Variants in IP6K1 observed in about 807,000 individuals in gnomAD.
The protein encoded by IP6K1 is ATP:1D-myo-inositol-hexakisphosphate phosphotransferase.
IP6K1 carries 13 observed loss-of-function variants against 38.3 expected under a neutral mutation model. The ratio of observed to expected loss-of-function variants is 0.34; its 90% CI spans 0.22 to 0.54. IP6K1 has a LOEUF of 0.54. Among genes scored for constraint, IP6K1 ranks in the 20% least tolerant of loss-of-function variants. IP6K1 has a pLI of 0.92. For missense variants in IP6K1, 397 were observed against 599.8 expected, an observed-to-expected ratio of 0.66 and a Z score of 3.53; for synonymous variants, 212 against 229.9, an observed-to-expected ratio of 0.92 and a Z score of 0.70.
Position 49,744,359 on chromosome 3 carries a change from G to A in IP6K1, c.223+3459C>T, listed in dbSNP as rs1358059843. Reference sequence around the variant, plus strand: ...AGAGCTTGCAGTGAGGCGAGACTGCGCCACTGCACTCCAACCTGGACAACA... The same window carrying A: ...AGAGCTTGCAGTGAGGCGAGACTGCACCACTGCACTCCAACCTGGACAACA... On this transcript the variant is annotated intron_variant, in intron 2 of 5. Transcript: ENST00000321599. Among the ~76,000 whole-genome samples, 11 of 126,986 alleles carry A rather than the reference G, an allele frequency of 8.7e-5. No individual in the cohort carries two copies. In the South Asian group the frequency reaches 9.9e-4, roughly 11 times the overall value. 83.3% of individuals were successfully genotyped at this position (126,986 alleles called of 152,430 possible).
chr3:49,767,842 T>A lies in IP6K1; in HGVS notation c.-129+18512A>T, dbSNP rs555787364. Among the ~76,000 whole-genome samples the A allele has an allele frequency of 5.3e-5, 8 of 152,168 alleles. No homozygotes were observed. In the East Asian group the frequency reaches 9.6e-4, roughly 18 times the overall value. On this transcript the variant is annotated intron_variant, in intron 1 of 5. Coordinates refer to ENST00000321599, the MANE Select transcript of IP6K1 (RefSeq NM_153273.4). Reference sequence around the variant, plus strand: ...ATACATCTGATAAAGGATTAATACATGGAACATATAAAGTACTTGTATAAC... The same window carrying A: ...ATACATCTGATAAAGGATTAATACAAGGAACATATAAAGTACTTGTATAAC...
chr3:49,747,212 A>G (rs1405196396), intron 2 of IP6K1, among the ~76,000 whole-genome samples: 4 of 152,208 alleles, frequency 2.6e-5, no homozygotes, highest in Non-Finnish European at 4.4e-5. Context: ...ACTTAGACAC[A>G]ATGAGCAATC....
chr3:49,732,307 A>G (rs930961157), intron 4 of IP6K1, among the ~76,000 whole-genome samples: 3 of 152,144 alleles, frequency 2.0e-5, no homozygotes, highest in Non-Finnish European at 4.4e-5. Context: ...TATCACCTTT[A>G]AACTATTAAT....
In IP6K1 at chr3:49,748,109, T is replaced by C. The variant is rs2080739066; in HGVS notation, c.-69A>G. On this transcript the variant is annotated 5_prime_UTR_variant, in exon 2 of 6. The change abolishes an upstream ATG in the 5' untranslated region. Transcript: ENST00000321599. ...CATGGGCCACAAAAGGAGAGCTACATAGAAGGTCCTGGCCAGGTGAAAGCC... is the reference window on the plus strand; with the variant it reads ...CATGGGCCACAAAAGGAGAGCTACACAGAAGGTCCTGGCCAGGTGAAAGCC... The C allele has an allele frequency of 1.9e-6, 3 of 1,542,196 alleles. No homozygotes were observed. Among genetic ancestry groups the C allele is most frequent in the South Asian group, 1.1e-5 (1 of 88,850 alleles).
chr3:49,778,588 G>T (rs559836898), intron 1 of IP6K1, among the ~76,000 whole-genome samples: 14 of 152,100 alleles, frequency 9.2e-5, no homozygotes, highest in Admixed American at 2.6e-4. Context: ...AGCCGAGATC[G>T]TGCCTCTGCA....
intron 1 of IP6K1, among the ~76,000 whole-genome samples, chr3:49,749,305 TTCTG>T: frequency 6.6e-6 from 1 of 151,756 alleles, no homozygotes; most frequent in East Asian, 1.9e-4. Flanking sequence ...ACCATTCCCT[TTCTG>T]TCTGACTCTA....
chr3:49,766,277 G>C (rs1029245264), intron 1 of IP6K1, among the ~76,000 whole-genome samples: 10 of 152,068 alleles, frequency 6.6e-5, no homozygotes, highest in African/African-American at 1.9e-4. Flanking sequence ...GCTGAGGTGG[G>C]AGAATCACTT....
chr3:49,784,389 G>A (rs1296631969), intron 1 of IP6K1, among the ~76,000 whole-genome samples: 1 of 152,064 alleles, frequency 6.6e-6, no homozygotes. Flanking sequence ...GCTCACGCCT[G>A]TAATCCCAGC....
At chr3:49,781,389 A>G (rs1448267900) in intron 1 of IP6K1, among the ~76,000 whole-genome samples, 1 of 152,158 alleles carries the variant, frequency 6.6e-6, no homozygotes. Flanking sequence ...AAGAGCAAAT[A>G]CTATTTTGAT....
intron 1 of IP6K1, among the ~76,000 whole-genome samples, chr3:49,779,702 T>TA (rs936500337): frequency 7.2e-5 from 11 of 152,158 alleles, no homozygotes; most frequent in African/African-American, 2.7e-4. Flanking sequence ...CTTTTCTTTT[T>TA]AGAGACAGGG....
rs1302931937 is a variant in IP6K1, at chr3:49,786,472, CCT to C, written c.-249_-248del. The C allele has an allele frequency of 6.6e-6, 1 of 152,366 alleles. No homozygotes were observed. The highest frequency in any genetic ancestry group is 3.1e-3 in the Middle Eastern group (1 of 318). The allele number at this position is 152,366 out of a possible 1,614,324, so 9.4% of individuals were successfully genotyped here. A position where few individuals can be genotyped will look rare whatever the true frequency, so the allele number is the denominator to read the frequency against. ...AGGTGGCTGAGCACCGCTACAGCGG[CCT>C]CTCACCGGCCGCTTGGTCCAGCTCC... On this transcript the variant is annotated 5_prime_UTR_variant, in exon 1 of 6. Transcript: ENST00000321599.
In IP6K1 at chr3:49,728,195, C is replaced by T; in HGVS notation, c.700G>A (p.Asp234Asn). ...GCTGCCTTCTCAGCTGACGCGTCAT[C>T]GCCATGCTGCCGCGTGCCCATCTTC... ...DLKMGTRQHG[D>N]DASAEKAARQ... Residue 234 changes from aspartate to asparagine, a missense_variant, in exon 5 of 6, where the codon GAT (aspartate) becomes AAT (asparagine). Coordinates refer to ENST00000321599, the MANE Select transcript of IP6K1 (RefSeq NM_153273.4). The T allele has an allele frequency of 1.2e-6, 2 of 1,614,178 alleles. No individual in the cohort carries two copies. The highest frequency in any genetic ancestry group is 8.5e-7 in the Non-Finnish European group (1 of 1,180,034).
rs2080488708 is a variant in IP6K1, at chr3:49,725,306, C to G, written c.*1816G>C. On this transcript the variant is annotated 3_prime_UTR_variant, in exon 6 of 6. Coordinates refer to ENST00000321599, the MANE Select transcript of IP6K1 (RefSeq NM_153273.4). ...CCCTATGTCTTACCCTCCACCCTACCAGGGAATGACTATCTACACTAATGA... is the reference window on the plus strand; with the variant it reads ...CCCTATGTCTTACCCTCCACCCTACGAGGGAATGACTATCTACACTAATGA... 6.6e-6 allele frequency: 1 copy of G among 152,358 alleles called. No individual in the cohort carries two copies. The highest frequency in any genetic ancestry group is 1.5e-5 in the Non-Finnish European group (1 of 68,044). 9.4% of individuals were successfully genotyped at this position (152,358 alleles called of 1,614,324 possible). A position where few individuals can be genotyped will look rare whatever the true frequency, so the allele number is the denominator to read the frequency against.
chr3:49,765,751 A>T (rs2080906024), intron 1 of IP6K1, among the ~76,000 whole-genome samples: 1 of 151,840 alleles, frequency 6.6e-6, no homozygotes. Context: ...ACTATGTAAA[A>T]ATCTACATTA....
chr3:49,728,555 A>G (rs2080533553), intron 4 of IP6K1, among the ~76,000 whole-genome samples: 2 of 151,762 alleles, frequency 1.3e-5, no homozygotes, highest in Admixed American at 6.6e-5. Context: ...ATCTATCTCT[A>G]CTCACAACCA....
chr3:49,752,996 G>C (rs1296674244), intron 1 of IP6K1, among the ~76,000 whole-genome samples: 1 of 151,956 alleles, frequency 6.6e-6, no homozygotes. Flanking sequence ...CTGACCTCAA[G>C]ATGACCTGCC....
At chr3:49,782,654 A>G (rs1239142413) in intron 1 of IP6K1, among the ~76,000 whole-genome samples, 1 of 152,046 alleles carries the variant, frequency 6.6e-6, no homozygotes, top group Admixed American at 6.5e-5. Context: ...AAATTAAGAC[A>G]AAGAAAATTA....
At chr3:49,778,937 A>G (rs2081042494) in intron 1 of IP6K1, among the ~76,000 whole-genome samples, 1 of 152,164 alleles carries the variant, frequency 6.6e-6, no homozygotes, top group Non-Finnish European at 1.5e-5. Context: ...TACGTTTTTA[A>G]TTAACAGCTT....
chr3:49,762,246 T>C (rs1195551512), intron 1 of IP6K1, among the ~76,000 whole-genome samples: 1 of 152,018 alleles, frequency 6.6e-6, no homozygotes, highest in East Asian at 1.9e-4. Flanking sequence ...GCCACAAGCA[T>C]CTTTAAGAAA....
Sources: allele counts gnomAD v4.1 joint callset (sites outside exome capture counted in the v4.1 genomes callset), GRCh38; gene constraint gnomAD v4.1.1; transcripts MANE v1.5; gene names NCBI Gene and HGNC (gene_info 2026-07-23, HGNC 2026-07-21).